Variants in F7 observed in about 807,000 individuals in gnomAD.
F7 encodes the protein coagulation factor VII.
Under a neutral mutation model 47.5 loss-of-function variants are expected in F7, and 38 were observed. The ratio of observed to expected loss-of-function variants is 0.80; its 90% CI spans 0.62 to 1.05. The LOEUF is 1.05. Among genes scored for constraint, F7 ranks in the 50% least tolerant of loss-of-function variants. The pLI, the probability that F7 is intolerant of heterozygous loss-of-function variation, is 0.00. For synonymous variants in F7, 244 were observed against 258.5 expected (o/e 0.94, Z 0.54); for missense variants, 575 against 605.4 (o/e 0.95, Z 0.53).
intron 4 of F7, among the ~76,000 whole-genome samples, chr13:113,115,070 G>A (rs1287690264): frequency 6.6e-6 from 1 of 152,334 alleles, no homozygotes; most frequent in East Asian, 1.9e-4. Flanking sequence ...CAGCCCTGGT[G>A]TGCATCCTGC....
At chr13:113,108,343 G>A (rs368507601) in intron 1 of F7, among the ~76,000 whole-genome samples, 984 of 9,790 alleles carry the variant, frequency 0.1, no homozygotes, top group Admixed American at 0.14. Context: ...TGGGTGTTCC[G>A]GAGGCGAGGG....
At position 113,118,469 on chromosome 13, in the gene F7, GTCA is replaced by G. The variant is rs765256723; in HGVS notation, c.802_804del (p.Ile268del). 6.2e-7 allele frequency: 1 copy of G among 1,608,074 alleles called. No homozygotes were observed. The highest frequency in any genetic ancestry group is 2.2e-5 in the East Asian group (1 of 44,820). ...TGAGCAGAGCCGGCGGGTGGCGCAG[GTCA>G]TCATCCCCAGCACGTACGTCCCGGG... is the stretch of plus-strand genomic sequence containing the variant. On this transcript the variant is annotated inframe_deletion, in exon 8 of 8. Transcript: ENST00000346342.
chr13:113,112,095 CAGG>C (rs1204630193), intron 2 of F7, among the ~76,000 whole-genome samples: 2 of 145,828 alleles, frequency 1.4e-5, no homozygotes, highest in Non-Finnish European at 3.0e-5. Flanking sequence ...CTCACACTCA[CAGG>C]ACACCTCACA....
intron 1 of F7, among the ~76,000 whole-genome samples, chr13:113,109,942 C>T (rs1024172998): frequency 1.3e-5 from 2 of 152,240 alleles, no homozygotes; most frequent in Non-Finnish European, 2.9e-5. Context: ...TCACCAGCCC[C>T]GTCTTCCCAT....
intron 1 of F7, 148 bp from the exon 2 acceptor site, chr13:113,110,542 A>G (rs542156388): frequency 4.8e-6 from 5 of 1,038,114 alleles, no homozygotes; most frequent in South Asian, 4.6e-5. Flanking sequence ...GGCAGGGAGG[A>G]CACCCAGCCA....
chr13:113,107,044 G>C (rs749696440), intron 1 of F7: 3 of 1,013,638 alleles, frequency 3.0e-6, no homozygotes, highest in African/African-American at 1.6e-5. Flanking sequence ...TTCCCTGCTC[G>C]AGAGGAAGTG....
At chr13:113,110,668 T>A (rs1278259238) in intron 1 of F7, 22 bp from the exon 2 acceptor site, 4 of 1,547,376 alleles carry the variant, frequency 2.6e-6, no homozygotes, top group Non-Finnish European at 3.5e-6. Flanking sequence ...GGTGGGCGCT[T>A]CACGGAACTC....
At position 113,119,078 on chromosome 13, in the gene F7, ATTC is replaced by A; in HGVS notation, c.*75_*77del. ...ACTGTCCTGGCACCAAATCCCATATATTCTTCTGCAGTTAATGGGGTAGAGGAG... is the reference window on the plus strand; with the variant it reads ...ACTGTCCTGGCACCAAATCCCATATATTCTGCAGTTAATGGGGTAGAGGAG... On this transcript the variant is annotated 3_prime_UTR_variant, in exon 8 of 8. Transcript: ENST00000346342. The A allele has an allele frequency of 9.0e-7, 1 of 1,114,232 alleles. No individual in the cohort carries two copies. Among genetic ancestry groups the A allele is most frequent in the East Asian group, 4.4e-5 (1 of 22,840 alleles). 69.0% of individuals were successfully genotyped at this position (1,114,232 alleles called of 1,614,324 possible). A position where few individuals can be genotyped will look rare whatever the true frequency, so the allele number is the denominator to read the frequency against.
In F7 at chr13:113,116,776, A is replaced by G; in HGVS notation, c.516A>G (p.Pro172=). 1 of 1,612,290 alleles carries G rather than the reference A, an allele frequency of 6.2e-7. No homozygotes were observed. ...GVSCTPTVEY[P]CGKIPILEKR... is the part of the protein sequence containing the mutation. ...TTTTGTTTTACACAGTTGAATATCCATGTGGAAAAATACCTATTCTAGAAA... is the reference window on the plus strand; with the variant it reads ...TTTTGTTTTACACAGTTGAATATCCGTGTGGAAAAATACCTATTCTAGAAA... Residue 172 remains proline, a synonymous_variant, in exon 6 of 8, where the codon CCA becomes CCG. Transcript: ENST00000346342.
chr13:113,116,190 AATGGGATGTTTCTCC>A (rs2036190005), intron 5 of F7, among the ~76,000 whole-genome samples: 1 of 152,216 alleles, frequency 6.6e-6, no homozygotes. Context: ...CTCCTGGGAA[AATGGGATGTTTCTCC>A]AAACCAGCCT....
Sources: allele counts gnomAD v4.1 joint callset (sites outside exome capture counted in the v4.1 genomes callset), GRCh38; gene constraint gnomAD v4.1.1; transcripts MANE v1.5; gene names NCBI Gene and HGNC (gene_info 2026-07-23, HGNC 2026-07-21).